The following PTCHD1 variants were observed in gnomAD, a reference collection of about 807,000 sequenced individuals.
PTCHD1 encodes patched domain-containing protein 1.
In PTCHD1, 3 loss-of-function variants were observed where a neutral mutation model predicts 34.6. The observed-to-expected ratio is 0.09, with a 90% CI of 0.04 to 0.22. PTCHD1 has a LOEUF of 0.22. PTCHD1 is among the 10% of genes least tolerant of loss of function. PTCHD1 has a pLI of 1.00. For synonymous variants in PTCHD1, 305 were observed against 283.1 expected (o/e 1.08, Z -0.77); for missense variants, 504 against 685.5 (o/e 0.74, Z 2.96).
Position 23,404,370 on chromosome X carries a change from A to G in PTCHD1, c.*10185A>G, listed in dbSNP as rs1923188341. On this transcript the variant is annotated 3_prime_UTR_variant, in exon 3 of 3. Coordinates refer to ENST00000379361, the MANE Select transcript of PTCHD1 (RefSeq NM_173495.3). ...TGGAATGATTAAATCAAGCTAATTA[A>G]CATATCTATCATCTCACATATTTCT... is the stretch of plus-strand genomic sequence containing the variant. 9.0e-6 allele frequency: 1 copy of G among 111,347 alleles called. No homozygotes were observed. Among genetic ancestry groups the G allele is most frequent in the African/African-American group, 3.3e-5 (1 of 30,632 alleles). The allele number at this position is 111,347 out of a possible 1,213,427, so 9.2% of individuals were successfully genotyped here. A position where few individuals can be genotyped will look rare whatever the true frequency, so the allele number is the denominator to read the frequency against.
chrX:23,342,365 T>C (rs1175182339), intron 1 of PTCHD1, among the ~76,000 whole-genome samples: 2 of 91,944 alleles, frequency 2.2e-5, no homozygotes, highest in Non-Finnish European at 4.4e-5. Context: ...CAGGTGTTTG[T>C]GGCAAGCAAC....
chrX:23,388,198 C>A (rs1427022498), intron 2 of PTCHD1, among the ~76,000 whole-genome samples: 1 of 111,607 alleles, frequency 9.0e-6, no homozygotes, highest in African/African-American at 3.3e-5. Flanking sequence ...CCTGGCCCCA[C>A]CCCATGAGTT....
rs759537149 is a variant in PTCHD1, at chrX:23,358,491, GTTGT to G, written c.352-21093_352-21090del. Among the ~76,000 whole-genome samples, 586 of 111,534 alleles carry G rather than the reference GTTGT, an allele frequency of 5.3e-3. 4 individuals carry two copies. Among genetic ancestry groups the G allele is most frequent in the African/African-American group, 0.017 (538 of 30,788 alleles). On this transcript the variant is annotated intron_variant, in intron 1 of 2. Transcript: ENST00000379361. ...AATACTTTGCCCACTTTTTGATGGG[GTTGT>G]TTGTTTTTTTCTTGTAAATTTGTTT...
intron 1 of PTCHD1, among the ~76,000 whole-genome samples, chrX:23,376,631 C>G (rs1200885746): frequency 8.9e-6 from 1 of 112,086 alleles, no homozygotes; most frequent in Non-Finnish European, 1.9e-5. Flanking sequence ...TTCATAAGCA[C>G]CAAAGATCAG....
Position 23,393,229 on chromosome X carries a change from G to A in PTCHD1, c.1711G>A (p.Val571Ile). 1 of 1,207,997 alleles carries A rather than the reference G, an allele frequency of 8.3e-7. No individual in the cohort carries two copies. Among genetic ancestry groups the A allele is most frequent in the Non-Finnish European group, 1.1e-6 (1 of 892,002 alleles). Residue 571 changes from valine to isoleucine, a missense_variant, in exon 3 of 3, where the codon GTC becomes ATC. Physicochemically the swap from Val to Ile is conservative, Grantham distance 29. Coordinates refer to ENST00000379361, the MANE Select transcript of PTCHD1 (RefSeq NM_173495.3). ...YESIEYWNTS[V>I]QEDVLEYTKG... ...GTCTATAGAATACTGGAACACTAGT[G>A]TCCAAGAAGATGTTCTAGAATACAC...
At chrX:23,369,183 T>C (rs1319179238) in intron 1 of PTCHD1, among the ~76,000 whole-genome samples, 3 of 112,280 alleles carry the variant, frequency 2.7e-5, no homozygotes, top group Non-Finnish European at 5.6e-5. Context: ...ATGCTTGTCA[T>C]TGGTGATGGG....
intron 1 of PTCHD1, among the ~76,000 whole-genome samples, chrX:23,366,414 C>T (rs1922141336): frequency 8.9e-6 from 1 of 111,996 alleles, no homozygotes; most frequent in South Asian, 3.8e-4. Context: ...TTTGCCTGCC[C>T]CTCTGGCTTT....
Position 23,401,404 on chromosome X carries a change from A to G in PTCHD1, c.*7219A>G, listed in dbSNP as rs2146659392. 1 of 112,439 alleles carries G rather than the reference A, an allele frequency of 8.9e-6. No individual in the cohort carries two copies. The highest frequency in any genetic ancestry group is 3.2e-5 in the African/African-American group (1 of 30,950). 9.3% of individuals were successfully genotyped at this position (112,439 alleles called of 1,213,427 possible). A position where few individuals can be genotyped will look rare whatever the true frequency, so the allele number is the denominator to read the frequency against. ...TTACCATCCTGTCAAAATTGCCTTT[A>G]CGCACTGATCCAGAATCACCAAGGC... On this transcript the variant is annotated 3_prime_UTR_variant, in exon 3 of 3. Coordinates refer to ENST00000379361, the MANE Select transcript of PTCHD1 (RefSeq NM_173495.3).
Position 23,396,829 on chromosome X carries a change from AT to A in PTCHD1, c.*2646del, listed in dbSNP as rs1316283796. On this transcript the variant is annotated 3_prime_UTR_variant, in exon 3 of 3. Coordinates refer to ENST00000379361, the MANE Select transcript of PTCHD1 (RefSeq NM_173495.3). ...TTATGCATGCCAAGATTTATTATTT[AT>A]TGTTAGATAATTATTATTTATTTGT... The A allele has an allele frequency of 8.9e-6, 1 of 112,213 alleles. No individual in the cohort carries two copies. Among genetic ancestry groups the A allele is most frequent in the East Asian group, 2.8e-4 (1 of 3,585 alleles). The allele number at this position is 112,213 out of a possible 1,213,427, so 9.2% of individuals were successfully genotyped here. A position where few individuals can be genotyped will look rare whatever the true frequency, so the allele number is the denominator to read the frequency against.
intron 1 of PTCHD1, among the ~76,000 whole-genome samples, chrX:23,355,995 T>G (rs1207527357): frequency 8.9e-6 from 1 of 112,326 alleles, no homozygotes; most frequent in Non-Finnish European, 1.9e-5. Flanking sequence ...CAATGATCCT[T>G]TCCCACATGT....
chrX:23,360,766 G>A (rs1261537067), intron 1 of PTCHD1, among the ~76,000 whole-genome samples: 1 of 111,905 alleles, frequency 8.9e-6, no homozygotes, highest in African/African-American at 3.3e-5. Flanking sequence ...CATCTTTCCT[G>A]CTTTCTCTTG....
chrX:23,399,580 C>T lies in PTCHD1; in HGVS notation c.*5395C>T, dbSNP rs1223947492. On this transcript the variant is annotated 3_prime_UTR_variant, in exon 3 of 3. Transcript: ENST00000379361. ...GAGCAATCAAGAACTTTTGAACTAT[C>T]TTTTCTCTAAGGATCCAAAAATGCT... 1 of 112,275 alleles carries T rather than the reference C, an allele frequency of 8.9e-6. No homozygotes were observed. The highest frequency in any genetic ancestry group is 1.9e-5 in the Non-Finnish European group (1 of 53,252). 9.3% of individuals were successfully genotyped at this position (112,275 alleles called of 1,213,427 possible).
intron 1 of PTCHD1, among the ~76,000 whole-genome samples, chrX:23,353,851 A>AT (rs751437929): frequency 1.5e-4 from 17 of 112,258 alleles, no homozygotes; most frequent in East Asian, 8.4e-4. Context: ...CACATAGATT[A>AT]TAAGGGCTAG....
rs1922987550 is a variant in PTCHD1 at position 23,396,283 on chromosome X, C to T, written c.*2098C>T. ...TAAGTGATCATACCAACGTGTTATA[C>T]ACTCAACTAGAAGATAATAAGCTTT... On this transcript the variant is annotated 3_prime_UTR_variant, in exon 3 of 3. Transcript: ENST00000379361. The T allele has an allele frequency of 8.9e-6, 1 of 112,081 alleles. No individual in the cohort carries two copies. Among genetic ancestry groups the T allele is most frequent in the African/African-American group, 3.3e-5 (1 of 30,742 alleles). 9.2% of individuals were successfully genotyped at this position (112,081 alleles called of 1,213,427 possible). A position where few individuals can be genotyped will look rare whatever the true frequency, so the allele number is the denominator to read the frequency against.
chrX:23,362,744 T>C (rs1269762954), intron 1 of PTCHD1, among the ~76,000 whole-genome samples: 1 of 112,317 alleles, frequency 8.9e-6, no homozygotes, highest in Non-Finnish European at 1.9e-5. Context: ...TCTGCTCTGG[T>C]TTCTCCCCAT....
intron 1 of PTCHD1, among the ~76,000 whole-genome samples, chrX:23,361,089 T>C (rs1374265695): frequency 2.7e-5 from 3 of 112,082 alleles, no homozygotes; most frequent in African/African-American, 9.7e-5. Flanking sequence ...AGTTTTGGAA[T>C]AAATGTGGTG....
At chrX:23,364,640 A>C (rs1398013010) in intron 1 of PTCHD1, among the ~76,000 whole-genome samples, 2 of 111,576 alleles carry the variant, frequency 1.8e-5, no homozygotes, top group Admixed American at 9.5e-5. Flanking sequence ...ATCAGCACAT[A>C]CTCCCCAGGC....
intron 1 of PTCHD1, among the ~76,000 whole-genome samples, chrX:23,350,803 C>A (rs1379930790): frequency 9.1e-6 from 1 of 109,778 alleles, no homozygotes; most frequent in African/African-American, 3.3e-5. Context: ...AAAGCTAGGT[C>A]GAAAGATAGG....
intron 1 of PTCHD1, among the ~76,000 whole-genome samples, chrX:23,342,310 A>ATATATATATTT: frequency 7.7e-5 from 1 of 12,921 alleles, no homozygotes. Flanking sequence ...ATATATATAT[A>ATATATATATTT]TTTTTTTTTT....
Sources: allele counts gnomAD v4.1 joint callset (sites outside exome capture counted in the v4.1 genomes callset), GRCh38; gene constraint gnomAD v4.1.1; transcripts MANE v1.5; gene names NCBI Gene and HGNC (gene_info 2026-07-23, HGNC 2026-07-21).